Variants in PHLPP1 observed in about 807,000 individuals in gnomAD.
PHLPP1 encodes the protein PH domain leucine-rich repeat-containing protein phosphatase 1.
PHLPP1 carries 42 observed loss-of-function variants against 117.2 expected under a neutral mutation model. That is an observed-to-expected ratio of 0.36 (90% CI 0.28 to 0.46). The LOEUF is 0.46. Among genes scored for constraint, PHLPP1 ranks in the 20% least tolerant of loss-of-function variants. The pLI, the probability that PHLPP1 is intolerant of heterozygous loss-of-function variation, is 1.00. For synonymous variants in PHLPP1, 1,042 were observed against 970.7 expected, an observed-to-expected ratio of 1.07 and a Z score of -1.37; for missense variants, 2,084 against 2,241.9, an observed-to-expected ratio of 0.93 and a Z score of 1.42.
intron 4 of PHLPP1, among the ~76,000 whole-genome samples, chr18:62,878,985 T>C (rs768153231): frequency 6.6e-6 from 1 of 152,214 alleles, no homozygotes; most frequent in African/African-American, 2.4e-5. Context: ...AATAATTTGG[T>C]CTACTTAATG....
At chr18:62,784,833 C>T (rs1032843699) in intron 1 of PHLPP1, among the ~76,000 whole-genome samples, 5 of 151,724 alleles carry the variant, frequency 3.3e-5, no homozygotes, top group Admixed American at 6.6e-5. Context: ...ACGTAGTTGC[C>T]GTAATTGAGA....
At chr18:62,882,985 T>C (rs565006901) in intron 4 of PHLPP1, among the ~76,000 whole-genome samples, 36 of 151,186 alleles carry the variant, frequency 2.4e-4, no homozygotes, top group Non-Finnish European at 4.3e-4. Context: ...GGATGACTTA[T>C]TTAATAAATG....
chr18:62,871,644 A>AT (rs71160879), intron 4 of PHLPP1, among the ~76,000 whole-genome samples: 7,349 of 108,612 alleles, frequency 0.068, 377 homozygotes, highest in African/African-American at 0.14. Flanking sequence ...AGCTCTGAAA[A>AT]TTTTTTTTTT....
rs1161467658 is a variant in PHLPP1, at chr18:62,716,971, G to A, written c.1288G>A (p.Val430Ile). The stretch of plus-strand genomic sequence containing the variant: ...GGCCATTGACAGCCCGGGCGGGGCC[G>A]TCCGCGAGGGGTCGTGCGAGGAGAA... ...PRAIDSPGGA[V>I]REGSCEEKAA... Residue 430 changes from valine to isoleucine, a missense_variant, in exon 1 of 17, where the codon GTC becomes ATC. By Grantham distance (29) the Val-to-Ile change is conservative. Around this residue, in one of 2 missense-constraint regions of PHLPP1, gnomAD observed 719 missense variants for 636.0 expected, o/e 1.13. Transcript: ENST00000262719. This position sits in a 1 kb window ranked among gnomAD's most constrained non-coding sequence, Gnocchi z 5.7. 1.9e-6 allele frequency: 3 copies of A among 1,540,126 alleles called. No homozygotes were observed. The highest frequency in any genetic ancestry group is 2.6e-6 in the Non-Finnish European group (3 of 1,146,016).
chr18:62,887,893 C>T (rs920594950), intron 4 of PHLPP1, among the ~76,000 whole-genome samples: 2 of 152,006 alleles, frequency 1.3e-5, no homozygotes, highest in Non-Finnish European at 2.9e-5. Context: ...ACATACCACC[C>T]TGCCTGGCTA....
At chr18:62,795,740 C>G (rs184635873) in intron 1 of PHLPP1, among the ~76,000 whole-genome samples, 45 of 152,202 alleles carry the variant, frequency 3.0e-4, no homozygotes, top group African/African-American at 1.1e-3. Context: ...TCCTGTTGCC[C>G]CTCACTACTC....
rs1159265423 is a variant in PHLPP1 at position 62,849,797 on chromosome 18, C to CAAAAAA, written c.1900-10607_1900-10602dup. Among the ~76,000 whole-genome samples the CAAAAAA allele has an allele frequency of 2.0e-3, 15 of 7,400 alleles. 5 individuals carry two copies. Among genetic ancestry groups the CAAAAAA allele is most frequent in the Non-Finnish European group, 2.9e-3 (12 of 4,186 alleles). The allele number at this position is 7,400 out of a possible 152,430, so 4.9% of individuals were successfully genotyped here. A position where few individuals can be genotyped will look rare whatever the true frequency, so the allele number is the denominator to read the frequency against. The stretch of plus-strand genomic sequence containing the variant: ...GCAACATAGCAAGGCCCTGTCTCTA[C>CAAAAAA]AAAAAAAAAAAAAAAAAAAAAAAAA... On this transcript the variant is annotated intron_variant, in intron 3 of 16. Coordinates refer to ENST00000262719, the MANE Select transcript of PHLPP1 (RefSeq NM_194449.4).
intron 4 of PHLPP1, among the ~76,000 whole-genome samples, chr18:62,883,554 A>C (rs544881813): frequency 6.6e-6 from 1 of 152,226 alleles, no homozygotes; most frequent in Admixed American, 6.5e-5. Context: ...ATTAAATGCT[A>C]GCATGGGGAA....
chr18:62,920,111 A>G lies in PHLPP1; in HGVS notation c.2957A>G (p.Asp986Gly), dbSNP rs756788698. ...ELPPNLLMKADSLRFLNASAN... is the reference protein window; with the variant it reads ...ELPPNLLMKAGSLRFLNASAN... ...CCACCTAACCTTCTGATGAAGGCTGACAGGTAAAGCCATTTGTCTTGTTTA... is the reference window on the plus strand; with the variant it reads ...CCACCTAACCTTCTGATGAAGGCTGGCAGGTAAAGCCATTTGTCTTGTTTA... Residue 986 changes from aspartate to glycine, a missense_variant, in exon 10 of 17, where the codon GAC becomes GGC. By Grantham distance (94) the Asp-to-Gly change is moderately conservative. Around this residue, in one of 2 missense-constraint regions of PHLPP1, gnomAD observed 1,365 missense variants for 1,605.9 expected, o/e 0.85. Coordinates refer to ENST00000262719, the MANE Select transcript of PHLPP1 (RefSeq NM_194449.4). 1 of 1,613,022 alleles carries G rather than the reference A, an allele frequency of 6.2e-7. No individual in the cohort carries two copies. The highest frequency in any genetic ancestry group is 8.5e-7 in the Non-Finnish European group (1 of 1,179,260).
At chr18:62,896,988 C>G (rs1916579202) in intron 6 of PHLPP1, among the ~76,000 whole-genome samples, 1 of 152,146 alleles carries the variant, frequency 6.6e-6, no homozygotes, top group Admixed American at 6.5e-5. Flanking sequence ...TGGAATGTGA[C>G]AAGATAAGGA....
intron 1 of PHLPP1, among the ~76,000 whole-genome samples, chr18:62,813,636 T>C (rs921331102): frequency 6.6e-6 from 1 of 152,178 alleles, no homozygotes; most frequent in African/African-American, 2.4e-5. Flanking sequence ...GGGTCTCAAG[T>C]TGTGGTCCCC....
chr18:62,889,558 C>G (rs1916359757), intron 4 of PHLPP1: 1 of 152,352 alleles, frequency 6.6e-6, no homozygotes, highest in Admixed American at 6.5e-5. Flanking sequence ...TCTTCTCTTC[C>G]TTCCTCCAGC....
chr18:62,859,870 C>G (rs746197470), intron 3 of PHLPP1, among the ~76,000 whole-genome samples: 6 of 152,088 alleles, frequency 3.9e-5, no homozygotes, highest in Non-Finnish European at 8.8e-5. Context: ...CTGTACATAC[C>G]CTCCAGGCAG....
intron 4 of PHLPP1, among the ~76,000 whole-genome samples, chr18:62,878,095 A>G (rs767594280): frequency 2.6e-5 from 4 of 152,188 alleles, no homozygotes. Context: ...TCTTTGCCGT[A>G]TTCTCTGAGC....
At chr18:62,771,972 A>G (rs1229287619) in intron 1 of PHLPP1, among the ~76,000 whole-genome samples, 2 of 152,218 alleles carry the variant, frequency 1.3e-5, no homozygotes, top group Admixed American at 1.3e-4. Context: ...AGGGACATTC[A>G]GCCTGTATGA....
rs74905492 is a variant in PHLPP1 at position 62,821,058 on chromosome 18, G to A, written c.1577-8977G>A. ...AAGGAAATTAGAAAGTACTATGAACGGATGAAAAGTTAAAACACAATATAC... is the reference window on the plus strand; with the variant it reads ...AAGGAAATTAGAAAGTACTATGAACAGATGAAAAGTTAAAACACAATATAC... On this transcript the variant is annotated intron_variant, in intron 1 of 16. Coordinates refer to ENST00000262719, the MANE Select transcript of PHLPP1 (RefSeq NM_194449.4). Among the ~76,000 whole-genome samples the A allele has an allele frequency of 7.9e-3, 1,202 of 152,246 alleles. 20 individuals carry two copies. The highest frequency in any genetic ancestry group is 0.028 in the African/African-American group (1,146 of 41,558).
chr18:62,974,536 G>A (rs756837758), intron 15 of PHLPP1, among the ~76,000 whole-genome samples: 1 of 152,130 alleles, frequency 6.6e-6, no homozygotes, highest in African/African-American at 2.4e-5. Context: ...GAACAGCAGG[G>A]GCCTGGGCAG....
At chr18:62,879,485 C>T (rs532685088) in intron 4 of PHLPP1, among the ~76,000 whole-genome samples, 100 of 151,190 alleles carry the variant, frequency 6.6e-4, no homozygotes, top group African/African-American at 2.4e-3. Flanking sequence ...GATCTCGGCT[C>T]ACTGCAACCT....
rs996349274 is a variant in PHLPP1, at chr18:62,867,864, C to T, written c.2066+7263C>T. On this transcript the variant is annotated intron_variant, in intron 4 of 16. Transcript: ENST00000262719. ...TCTGGCTCTGTTGTCCAGGCTGGAG[C>T]GCAGTGGGGCGATCTCGGCTCACTG... 4.6e-5 allele frequency among the ~76,000 whole-genome samples: 7 copies of T among 151,598 alleles called. No individual in the cohort carries two copies. The South Asian group carries it at 8.3e-4, about 18-fold the overall frequency.
Sources: allele counts gnomAD v4.1 joint callset (sites outside exome capture counted in the v4.1 genomes callset), GRCh38; gene constraint gnomAD v4.1.1; regional missense constraint gnomAD v4.1.1; non-coding constraint Gnocchi (gnomAD v3.1); transcripts MANE v1.5; gene names NCBI Gene and HGNC (gene_info 2026-07-23, HGNC 2026-07-21).